CACNA2D3: variants seen among roughly 807,000 people sequenced by gnomAD.
The protein encoded by CACNA2D3 is calcium voltage-gated channel auxiliary subunit alpha2delta 3, also known as voltage-dependent calcium channel subunit alpha-2/delta-3.
CACNA2D3 carries 60 observed loss-of-function variants against 160.6 expected under a neutral mutation model. The ratio of observed to expected loss-of-function variants is 0.37; its 90% CI spans 0.30 to 0.46. The LOEUF (loss-of-function observed/expected upper bound fraction) is 0.46. Ranked by LOEUF, CACNA2D3 falls within the 20% of genes least tolerant of loss-of-function variation. The pLI, the probability that CACNA2D3 is intolerant of heterozygous loss-of-function variation, is 1.00. For missense variants in CACNA2D3, 1,205 were observed against 1,365.0 expected (o/e 0.88, Z 1.85); for synonymous variants, 558 against 492.9 (o/e 1.13, Z -1.75).
chr3:54,436,666 A>G (rs1246245226), intron 4 of CACNA2D3, among the ~76,000 whole-genome samples: 2 of 152,226 alleles, frequency 1.3e-5, no homozygotes, highest in African/African-American at 4.8e-5. Flanking sequence ...ATTCTCAGCA[A>G]ACTAACACAA....
intron 3 of CACNA2D3, among the ~76,000 whole-genome samples, chr3:54,322,649 C>G (rs1217550983): frequency 2.0e-5 from 3 of 152,132 alleles, no homozygotes; most frequent in East Asian, 3.9e-4. Context: ...GTTCAGTAAA[C>G]ATTTGCTGTT....
At chr3:54,850,031 A>G (rs1303355394) in intron 17 of CACNA2D3, among the ~76,000 whole-genome samples, 1 of 152,182 alleles carries the variant, frequency 6.6e-6, no homozygotes, top group Non-Finnish European at 1.5e-5. Context: ...TAGGGGCCTT[A>G]ATCAGCGGAC....
In CACNA2D3 at chr3:54,479,905, C is replaced by A. The variant is rs1575480350; in HGVS notation, c.382-23587C>A. The stretch of plus-strand genomic sequence containing the variant: ...ATACCATCTTTTGAATCTGGGAAAT[C>A]CAGCTCTACTTAGTAGCCTGTTTTA... On this transcript the variant is annotated intron_variant, in intron 4 of 37. Transcript: ENST00000474759. Among the ~76,000 whole-genome samples the A allele has an allele frequency of 2.6e-5, 4 of 152,214 alleles. 1 individual carries two copies. The South Asian group carries it at 8.3e-4, about 32-fold the overall frequency.
rs571357839 is a variant in CACNA2D3 at position 54,683,560 on chromosome 3, G to T, written c.1167+41319G>T. ...CCAATACTTAGGTCAAAGGTGGCGA[G>T]CATTGAAATAATGCATACAATACAC... On this transcript the variant is annotated intron_variant, in intron 11 of 37. Transcript: ENST00000474759. Among the ~76,000 whole-genome samples the T allele has an allele frequency of 5.9e-5, 9 of 152,296 alleles. No homozygotes were observed. In the East Asian group the frequency reaches 1.7e-3, roughly 29 times the overall value.
chr3:54,410,416 G>T (rs562516132), intron 4 of CACNA2D3, among the ~76,000 whole-genome samples: 14 of 152,104 alleles, frequency 9.2e-5, no homozygotes, highest in African/African-American at 3.4e-4. Flanking sequence ...TTCAAAGCTC[G>T]GGCTGACTCT....
In CACNA2D3 at chr3:54,319,034, G is replaced by A. The variant is rs190718164; in HGVS notation, c.205-1408G>A. On this transcript the variant is annotated intron_variant, in intron 2 of 37. Transcript: ENST00000474759. ...TCTGAAGAATTCTCTCTTTACATTCGTTGCTTTCCTTAGAGTTCCTCCCCT... is the reference window on the plus strand; with the variant it reads ...TCTGAAGAATTCTCTCTTTACATTCATTGCTTTCCTTAGAGTTCCTCCCCT... Among the ~76,000 whole-genome samples the A allele has an allele frequency of 6.2e-4, 95 of 152,042 alleles. 1 individual carries two copies. The highest frequency in any genetic ancestry group is 2.1e-3 in the African/African-American group (89 of 41,444).
At chr3:54,645,336 A>T (rs1699613597) in intron 11 of CACNA2D3, among the ~76,000 whole-genome samples, 2 of 152,244 alleles carry the variant, frequency 1.3e-5, no homozygotes, top group Non-Finnish European at 2.9e-5. Context: ...TGGGGATTAC[A>T]ATTCAAGATG....
intron 2 of CACNA2D3, among the ~76,000 whole-genome samples, chr3:54,160,981 G>A (rs891571874): frequency 7.2e-5 from 11 of 152,216 alleles, no homozygotes; most frequent in Non-Finnish European, 1.5e-4. Context: ...AGTCCAGTGT[G>A]GGGAGGCAGC....
intron 4 of CACNA2D3, among the ~76,000 whole-genome samples, chr3:54,390,761 C>CA (rs1699265413): frequency 6.6e-6 from 1 of 152,104 alleles, no homozygotes; most frequent in Non-Finnish European, 1.5e-5. Context: ...GGGTGTCAGC[C>CA]CCATTGCTAT....
chr3:54,162,047 C>T (rs2107298219), intron 2 of CACNA2D3, among the ~76,000 whole-genome samples: 2 of 152,260 alleles, frequency 1.3e-5, no homozygotes, highest in East Asian at 3.9e-4. Flanking sequence ...TTGTTTGAGA[C>T]AAGGCAAGAG....
chr3:54,692,125 C>T (rs1700583855), intron 11 of CACNA2D3, among the ~76,000 whole-genome samples: 1 of 152,160 alleles, frequency 6.6e-6, no homozygotes, highest in South Asian at 2.1e-4. Context: ...AGGCATGCGC[C>T]ACCATGCCCA....
chr3:54,207,758 A>G (rs1576999194), intron 2 of CACNA2D3, among the ~76,000 whole-genome samples: 2 of 152,026 alleles, frequency 1.3e-5, no homozygotes, highest in Non-Finnish European at 2.9e-5. Context: ...CAGGAGGGGA[A>G]AGTGATGAAT....
chr3:54,508,665 G>A (rs1378537148), intron 5 of CACNA2D3, among the ~76,000 whole-genome samples: 6 of 152,230 alleles, frequency 3.9e-5, no homozygotes, highest in Non-Finnish European at 7.3e-5. Flanking sequence ...GAGGACATCC[G>A]GGAGAGGTAG....
rs549815364 is a variant in CACNA2D3, at chr3:54,793,101, A to T, written c.1381-23752A>T. 4.1e-4 allele frequency among the ~76,000 whole-genome samples: 62 copies of T among 152,362 alleles called. No homozygotes were observed. The South Asian group carries it at 0.013, about 31-fold the overall frequency. ...CTGAAGAAAAGAAACTGATGTTTGTATAAAGAGGAAAAGGACTGGGGAGTG... is the reference window on the plus strand; with the variant it reads ...CTGAAGAAAAGAAACTGATGTTTGTTTAAAGAGGAAAAGGACTGGGGAGTG... On this transcript the variant is annotated intron_variant, in intron 13 of 37. Transcript: ENST00000474759.
At chr3:54,514,304 G>T (rs573010228) in intron 5 of CACNA2D3, among the ~76,000 whole-genome samples, 8 of 152,184 alleles carry the variant, frequency 5.3e-5, no homozygotes, top group Non-Finnish European at 1.0e-4. Flanking sequence ...GAGTAAGGAG[G>T]TGATGATGAT....
intron 2 of CACNA2D3, among the ~76,000 whole-genome samples, chr3:54,127,784 A>G (rs1699624676): frequency 6.6e-6 from 1 of 152,222 alleles, no homozygotes. Flanking sequence ...ACAATCACCC[A>G]GACAGTAGCA....
intron 27 of CACNA2D3, among the ~76,000 whole-genome samples, chr3:54,930,737 C>T (rs975499258): frequency 4.6e-5 from 7 of 152,314 alleles, no homozygotes; most frequent in East Asian, 1.9e-4. Flanking sequence ...CCTACCTCGC[C>T]GGAGGCAGGG....
At chr3:54,626,411 C>G in intron 9 of CACNA2D3, 1 of 1,578,554 alleles carries the variant, frequency 6.3e-7, no homozygotes, top group Non-Finnish European at 8.6e-7. Context: ...AAGAAGGAGG[C>G]GCTGCCCATG....
At chr3:54,311,041 T>C (rs1340338236) in intron 2 of CACNA2D3, among the ~76,000 whole-genome samples, 1 of 152,206 alleles carries the variant, frequency 6.6e-6, no homozygotes, top group African/African-American at 2.4e-5. Flanking sequence ...TGCACCTTGG[T>C]GATTCTACTG....
Sources: allele counts gnomAD v4.1 joint callset (sites outside exome capture counted in the v4.1 genomes callset), GRCh38; gene constraint gnomAD v4.1.1; transcripts MANE v1.5; gene names NCBI Gene and HGNC (gene_info 2026-07-23, HGNC 2026-07-21).